Variants in CNTN4 observed in about 807,000 individuals in gnomAD.
The protein encoded by CNTN4 is contactin 4, also known as contactin-4.
CNTN4 carries 77 observed loss-of-function variants against 122.5 expected under a neutral mutation model. The ratio of observed to expected loss-of-function variants is 0.63; its 90% CI spans 0.52 to 0.76. The LOEUF (loss-of-function observed/expected upper bound fraction) is 0.76. CNTN4 is among the 30% of genes least tolerant of loss of function. The pLI is 0.00. For synonymous variants in CNTN4, 512 were observed against 447.0 expected, an observed-to-expected ratio of 1.15 and a Z score of -1.83; for missense variants, 1,256 against 1,259.1, an observed-to-expected ratio of 1.00 and a Z score of 0.04.
intron 14 of CNTN4, among the ~76,000 whole-genome samples, chr3:3,018,948 A>C (rs1698017288): frequency 1.3e-5 from 2 of 152,216 alleles, no homozygotes; most frequent in African/African-American, 4.8e-5. Flanking sequence ...GAAGAGCCCA[A>C]CTTAAAAGGA....
intron 4 of CNTN4, among the ~76,000 whole-genome samples, chr3:2,580,729 G>A (rs2079897120): frequency 6.6e-6 from 1 of 152,280 alleles, no homozygotes; most frequent in East Asian, 1.9e-4. Flanking sequence ...AGAGACAACT[G>A]CAATAATAAT....
chr3:2,520,461 C>T (rs1013033777), intron 3 of CNTN4, among the ~76,000 whole-genome samples: 3 of 151,116 alleles, frequency 2.0e-5, no homozygotes, highest in Admixed American at 6.6e-5. Context: ...TTAGTAGAGA[C>T]GGGGGTTTCA....
chr3:2,281,367 C>T (rs1184397478), intron 2 of CNTN4, among the ~76,000 whole-genome samples: 4 of 152,082 alleles, frequency 2.6e-5, no homozygotes, highest in Non-Finnish European at 4.4e-5. Context: ...CTAGTAACTC[C>T]TAACCACAAC....
chr3:2,316,412 C>G (rs2043100447), intron 2 of CNTN4, among the ~76,000 whole-genome samples: 1 of 151,930 alleles, frequency 6.6e-6, no homozygotes. Context: ...GAAAAAGTCC[C>G]AAATAGTAAG....
intron 6 of CNTN4, among the ~76,000 whole-genome samples, chr3:2,814,226 C>T (rs1443209700): frequency 3.3e-5 from 5 of 152,202 alleles, no homozygotes; most frequent in Middle Eastern, 3.2e-3. Context: ...ATCTACACAT[C>T]ACATGTCAAT....
chr3:2,227,707 C>T (rs928402261), intron 2 of CNTN4, among the ~76,000 whole-genome samples: 14 of 152,048 alleles, frequency 9.2e-5, no homozygotes, highest in African/African-American at 3.1e-4. Flanking sequence ...TTATAATTAA[C>T]ATTATGTAAC....
chr3:2,610,574 A>G (rs2081438047), intron 4 of CNTN4, among the ~76,000 whole-genome samples: 1 of 152,136 alleles, frequency 6.6e-6, no homozygotes, highest in Admixed American at 6.6e-5. Flanking sequence ...AATACTTTAC[A>G]CTTTGTGTAT....
At chr3:2,309,314 G>T (rs1398732625) in intron 2 of CNTN4, among the ~76,000 whole-genome samples, 2 of 151,928 alleles carry the variant, frequency 1.3e-5, no homozygotes, top group African/African-American at 4.8e-5. Context: ...GTCCTTTTCT[G>T]TCTTTTAACT....
chr3:2,913,008 T>G lies in CNTN4; in HGVS notation c.1207+10003T>G, dbSNP rs146621751. On this transcript the variant is annotated intron_variant, in intron 12 of 24. Coordinates refer to ENST00000418658, the MANE Select transcript of CNTN4 (RefSeq NM_175607.3). ...GTCTACTAAAAATACAAAGTTTAGC[T>G]GGATGTGGTGGCGCATGCCTGTAAT... Among the ~76,000 whole-genome samples the G allele has an allele frequency of 7.1e-3, 1,076 of 152,176 alleles. 11 individuals are homozygous for G. Among genetic ancestry groups the G allele is most frequent in the African/African-American group, 0.025 (1,020 of 41,504 alleles).
At chr3:2,553,816 A>G (rs752337700) in intron 3 of CNTN4, among the ~76,000 whole-genome samples, 27 of 152,318 alleles carry the variant, frequency 1.8e-4, no homozygotes, top group African/African-American at 1.9e-4. Context: ...ACTCTTTTCT[A>G]TTAAACTAAT....
intron 2 of CNTN4, among the ~76,000 whole-genome samples, chr3:2,329,001 T>G (rs900250241): frequency 1.3e-5 from 2 of 152,174 alleles, no homozygotes; most frequent in African/African-American, 4.8e-5. Context: ...TTAAACTAAT[T>G]TTTGATATGA....
At chr3:2,111,620 C>G (rs2032962918) in intron 2 of CNTN4, among the ~76,000 whole-genome samples, 1 of 152,060 alleles carries the variant, frequency 6.6e-6, no homozygotes, top group Admixed American at 6.6e-5. Context: ...TATCCTGTCT[C>G]TACTACTTAT....
At chr3:2,530,184 C>A (rs2077544413) in intron 3 of CNTN4, among the ~76,000 whole-genome samples, 2 of 152,064 alleles carry the variant, frequency 1.3e-5, no homozygotes, top group African/African-American at 2.4e-5. Flanking sequence ...TCTTGATATG[C>A]ATTACTTAGA....
chr3:2,208,127 A>G (rs2038446604), intron 2 of CNTN4, among the ~76,000 whole-genome samples: 1 of 152,170 alleles, frequency 6.6e-6, no homozygotes, highest in Non-Finnish European at 1.5e-5. Flanking sequence ...TAAGGCTATC[A>G]GTACCATAGA....
At chr3:2,129,072 A>G (rs75928350) in intron 2 of CNTN4, among the ~76,000 whole-genome samples, 8,312 of 152,222 alleles carry the variant, frequency 0.055, 390 homozygotes, top group African/African-American at 0.12. Context: ...TTCTTTCATA[A>G]TATATTAACA....
chr3:2,521,916 A>G (rs2077231864), intron 3 of CNTN4, among the ~76,000 whole-genome samples: 1 of 152,116 alleles, frequency 6.6e-6, no homozygotes, highest in South Asian at 2.1e-4. Context: ...AATCGTGCTT[A>G]TCACTAAAGA....
chr3:2,550,663 C>A (rs2078461455), intron 3 of CNTN4, among the ~76,000 whole-genome samples: 1 of 152,148 alleles, frequency 6.6e-6, no homozygotes, highest in South Asian at 2.1e-4. Flanking sequence ...ATGCTTATTG[C>A]AGCACTATTC....
intron 2 of CNTN4, among the ~76,000 whole-genome samples, chr3:2,335,249 G>A (rs2043898995): frequency 6.6e-6 from 1 of 152,046 alleles, no homozygotes; most frequent in Non-Finnish European, 1.5e-5. Flanking sequence ...ACTTAGGATA[G>A]CGGGTACAAG....
intron 2 of CNTN4, among the ~76,000 whole-genome samples, chr3:2,152,829 C>T (rs561536720): frequency 2.4e-4 from 37 of 152,196 alleles, no homozygotes; most frequent in East Asian, 7.7e-4. Flanking sequence ...ACTCCCAGAT[C>T]GGGCTCAGCC....
Sources: gnomAD v4.1 joint callset for allele counts (sites outside exome capture counted in the v4.1 genomes callset) on GRCh38, gnomAD v4.1.1 for gene constraint, MANE v1.5 for transcripts, NCBI Gene and HGNC (gene_info 2026-07-23, HGNC 2026-07-21) for gene names.